DNAH8: variants seen among roughly 807,000 people sequenced by gnomAD.
The protein encoded by DNAH8 is dynein axonemal heavy chain 8.
A neutral mutation model predicts 562.1 loss-of-function variants in DNAH8; 382 were observed. That is an observed-to-expected ratio of 0.68 (90% CI 0.63 to 0.74). The LOEUF (loss-of-function observed/expected upper bound fraction) is 0.74, where lower values mean the gene tolerates loss of function less well. Among genes scored for constraint, DNAH8 ranks in the 30% least tolerant of loss-of-function variants. The pLI, the probability that DNAH8 is intolerant of heterozygous loss-of-function variation, is 0.00. For synonymous variants in DNAH8, 1,881 were observed against 1,919.4 expected, an observed-to-expected ratio of 0.98 and a Z score of 0.52; for missense variants, 5,203 against 5,620.4, an observed-to-expected ratio of 0.93 and a Z score of 2.37.
chr6:38,994,102 CAGTG>C (rs1430554317), intron 88 of DNAH8, among the ~76,000 whole-genome samples: 1 of 152,160 alleles, frequency 6.6e-6, no homozygotes, highest in Non-Finnish European at 1.5e-5. Flanking sequence ...ACCAATATGA[CAGTG>C]AGAAATGTTA....
chr6:38,897,336 G>A (rs994304899), intron 60 of DNAH8, among the ~76,000 whole-genome samples: 1 of 152,164 alleles, frequency 6.6e-6, no homozygotes, highest in African/African-American at 2.4e-5. Context: ...ACAATGGCAG[G>A]GGTGAGTAGA....
chr6:38,852,772 A>G lies in DNAH8; in HGVS notation c.5545A>G (p.Ile1849Val), dbSNP rs145036630. 1 of 1,613,140 alleles carries G rather than the reference A, an allele frequency of 6.2e-7. No homozygotes were observed. Among genetic ancestry groups the G allele is most frequent in the African/African-American group, 1.3e-5 (1 of 74,812 alleles). Residue 1849 changes from isoleucine (I) to valine (V), a missense_variant, in exon 40 of 93, where the codon ATA becomes GTA. Ile to Val is a conservative substitution (Grantham distance 29). Transcript: ENST00000327475. ...AKDYDRIMAVISREGEKIVLD... is the reference protein window; with the variant it reads ...AKDYDRIMAVVSREGEKIVLD... ...AGACTATGATCGCATCATGGCCGTC[A>G]TATCAAGAGAAGGAGAAAAAATTGT...
At chr6:38,812,288 C>CT (rs1771865390) in intron 24 of DNAH8, among the ~76,000 whole-genome samples, 1 of 152,158 alleles carries the variant, frequency 6.6e-6, no homozygotes, top group African/African-American at 2.4e-5. Flanking sequence ...TTTGAGCATT[C>CT]TCATGTCCTT....
At position 38,932,886 on chromosome 6, in the gene DNAH8, A is replaced by C. The variant is rs1463127903; in HGVS notation, c.11457+893A>C. The C allele has an allele frequency of 2.6e-5, 4 of 152,466 alleles. No individual in the cohort carries two copies. In the East Asian group the frequency reaches 7.7e-4, roughly 29 times the overall value. 9.4% of individuals were successfully genotyped at this position (152,466 alleles called of 1,614,324 possible). A position where few individuals can be genotyped will look rare whatever the true frequency, so the allele number is the denominator to read the frequency against. ...AAAGGCAACATCCTACCTGGCTCATAGACAGTTACCACAGGCACAGGCCCT... is the reference window on the plus strand; with the variant it reads ...AAAGGCAACATCCTACCTGGCTCATCGACAGTTACCACAGGCACAGGCCCT... On this transcript the variant is annotated intron_variant, in intron 76 of 92. Coordinates refer to ENST00000327475, the MANE Select transcript of DNAH8 (RefSeq NM_001206927.2).
chr6:38,968,165 A>T (rs754094521), intron 82 of DNAH8, among the ~76,000 whole-genome samples: 6 of 152,222 alleles, frequency 3.9e-5, no homozygotes, highest in Non-Finnish European at 8.8e-5. Flanking sequence ...CAGAGACTTA[A>T]CTGTAAACAC....
intron 76 of DNAH8, among the ~76,000 whole-genome samples, chr6:38,935,220 C>G (rs1310682489): frequency 6.6e-6 from 1 of 152,176 alleles, no homozygotes; most frequent in African/African-American, 2.4e-5. Context: ...CTTGTTCTGA[C>G]TGCAAATAAA....
chr6:38,924,330 G>A lies in DNAH8; in HGVS notation c.10962+168G>A, dbSNP rs112750887. ...GTTCAAGACCAGCCTAACCAACATG[G>A]TGAAATCCCCATCTCTACTAAAAAT... On this transcript the variant is annotated intron_variant, in intron 73 of 92. Coordinates refer to ENST00000327475, the MANE Select transcript of DNAH8 (RefSeq NM_001206927.2). Among the ~76,000 whole-genome samples the A allele has an allele frequency of 2.0e-5, 3 of 152,198 alleles. 1 individual carries two copies. Among genetic ancestry groups the A allele is most frequent in the African/African-American group, 7.2e-5 (3 of 41,532 alleles).
chr6:38,973,744 C>T lies in DNAH8; in HGVS notation c.12609C>T (p.Ala4203=), dbSNP rs1405669084. 15 of 1,610,204 alleles carry T rather than the reference C, an allele frequency of 9.3e-6. No individual in the cohort carries two copies. The highest frequency in any genetic ancestry group is 1.3e-5 in the Non-Finnish European group (15 of 1,178,422). ...TAGAGACGCTAATTACCACTGAAGC[C>T]AGTGATGATTCTTTCCGAGTATGGA... ...ELLETLITTE[A]SDDSFRVWIT... is the part of the protein sequence containing the mutation. Residue 4203 remains alanine (A), a synonymous_variant, in exon 84 of 93, where the codon GCC becomes GCT. Transcript: ENST00000327475.
chr6:38,779,897 T>G (rs1035634363), intron 14 of DNAH8, 69 bp from the exon 15 acceptor site: 8 of 1,385,476 alleles, frequency 5.8e-6, no homozygotes, highest in Non-Finnish European at 8.1e-6. Context: ...AATGGATGGT[T>G]AGTATGACAG....
intron 11 of DNAH8, chr6:38,763,199 AGTTCC>A: frequency 4.6e-6 from 1 of 219,500 alleles, no homozygotes; most frequent in Admixed American, 5.6e-5. Flanking sequence ...TTGGAAACTC[AGTTCC>A]TTCTAAAAGT....
chr6:38,776,325 C>T (rs1212368977), intron 13 of DNAH8, among the ~76,000 whole-genome samples: 2 of 151,164 alleles, frequency 1.3e-5, no homozygotes, highest in Non-Finnish European at 2.9e-5. Flanking sequence ...TCAAGTGATT[C>T]TCCTGCCCCA....
chr6:38,814,203 T>C, intron 25 of DNAH8, 74 bp downstream of exon 25: 1 of 865,524 alleles, frequency 1.2e-6, no homozygotes, highest in Non-Finnish European at 1.8e-6. Flanking sequence ...AGCTTTCATT[T>C]AGGTAACATT....
In DNAH8 at chr6:38,894,716, A is replaced by C. The variant is rs1779560659; in HGVS notation, c.8599A>C (p.Thr2867Pro). The C allele has an allele frequency of 9.9e-6, 16 of 1,613,710 alleles. No homozygotes were observed. The highest frequency in any genetic ancestry group is 1.4e-5 in the Non-Finnish European group (16 of 1,179,830). The change falls in exon 59 of 93, where the codon ACT becomes CCT. Residue 2867 changes from threonine to proline, a missense_variant. Coordinates refer to ENST00000327475, the MANE Select transcript of DNAH8 (RefSeq NM_001206927.2). ...WQWTKVKMLP[T>P]PSKFHYIFNL... is the part of the protein sequence containing the mutation. Reference sequence around the variant, plus strand: ...TCATCTCTAGGTGAAGATGCTGCCAACTCCTTCTAAATTTCATTACATCTT... The same window carrying C: ...TCATCTCTAGGTGAAGATGCTGCCACCTCCTTCTAAATTTCATTACATCTT...
chr6:38,889,814 T>G (rs1779216750), intron 57 of DNAH8, among the ~76,000 whole-genome samples: 1 of 152,180 alleles, frequency 6.6e-6, no homozygotes, highest in Non-Finnish European at 1.5e-5. Context: ...AGGGCAATTC[T>G]TCAATTAGTG....
intron 1 of DNAH8, among the ~76,000 whole-genome samples, chr6:38,720,698 G>A (rs72856584): frequency 0.12 from 18,202 of 152,148 alleles, 1,211 homozygotes; most frequent in Admixed American, 0.22. Context: ...TACATTCACA[G>A]GAAAAAATAG....
At chr6:38,768,561 G>A (rs920679984) in intron 11 of DNAH8, among the ~76,000 whole-genome samples, 19 of 145,354 alleles carry the variant, frequency 1.3e-4, no homozygotes, top group East Asian at 6.6e-4. Flanking sequence ...CACCACACCC[G>A]GCCTGTTTAT....
chr6:38,909,478 C>A, intron 64 of DNAH8, 40 bp from the exon 65 acceptor site: 2 of 1,587,156 alleles, frequency 1.3e-6, no homozygotes, highest in Non-Finnish European at 1.7e-6. Context: ...ACTTATAACC[C>A]CTCTGTGTTT....
At chr6:38,804,635 A>G (rs1356287036) in intron 22 of DNAH8, among the ~76,000 whole-genome samples, 1 of 152,158 alleles carries the variant, frequency 6.6e-6, no homozygotes, top group Non-Finnish European at 1.5e-5. Flanking sequence ...GCACTGCCTT[A>G]CAGGGATGAA....
In DNAH8 at chr6:38,770,619, C is replaced by T. The variant is rs1348994060; in HGVS notation, c.1764+60C>T. 8 of 1,438,784 alleles carry T rather than the reference C, an allele frequency of 5.6e-6. No individual in the cohort carries two copies. The East Asian group carries it at 1.7e-4, about 30-fold the overall frequency. 89.1% of individuals were successfully genotyped at this position (1,438,784 alleles called of 1,614,324 possible). ...ACCACACCTTTTTGGTGATTTTGTACTTTATGTAGTGCCATTGAGAATTAT... is the reference window on the plus strand; with the variant it reads ...ACCACACCTTTTTGGTGATTTTGTATTTTATGTAGTGCCATTGAGAATTAT... On this transcript the variant is annotated intron_variant, in intron 12 of 92. Coordinates refer to ENST00000327475, the MANE Select transcript of DNAH8 (RefSeq NM_001206927.2).
Sources: allele counts gnomAD v4.1 joint callset (sites outside exome capture counted in the v4.1 genomes callset), GRCh38; gene constraint gnomAD v4.1.1; transcripts MANE v1.5; gene names NCBI Gene and HGNC (gene_info 2026-07-23, HGNC 2026-07-21).